Variants in CACNB3 observed in about 807,000 individuals in gnomAD.
CACNB3 encodes the protein calcium voltage-gated channel auxiliary subunit beta 3.
A neutral mutation model predicts 63.7 loss-of-function variants in CACNB3; 36 were observed. That is an observed-to-expected ratio of 0.57 (90% CI 0.43 to 0.75). The LOEUF is 0.75. CACNB3 is among the 30% of genes least tolerant of loss of function. The pLI is 0.00. For synonymous variants in CACNB3, 241 were observed against 250.6 expected, an observed-to-expected ratio of 0.96 and a Z score of 0.36; for missense variants, 493 against 648.6, an observed-to-expected ratio of 0.76 and a Z score of 2.61.
At chr12:48,814,685 AG>A (rs1942243780), upstream of CACNB3, 1 of 947,450 alleles carries the variant, frequency 1.1e-6, no homozygotes, top group Non-Finnish European at 1.5e-6. This position sits in a 1 kb window ranked among gnomAD's most constrained non-coding sequence, Gnocchi z 6.9. Context: ...TGGAGAAAGG[AG>A]GGGGAGAGGG....
At chr12:48,814,485 C>A, upstream of CACNB3, 1 of 1,529,400 alleles carries the variant, frequency 6.5e-7, no homozygotes, top group African/African-American at 1.4e-5. This position sits in a 1 kb window ranked among gnomAD's most constrained non-coding sequence, Gnocchi z 6.9. Context: ...ACTCTGTACT[C>A]CCTGCTGCCC....
chr12:48,827,063 G>C lies in CACNB3; in HGVS notation c.1080G>C (p.Thr360=). 6.2e-7 allele frequency: 1 copy of C among 1,613,290 alleles called. No individual in the cohort carries two copies. Among genetic ancestry groups the C allele is most frequent in the Non-Finnish European group, 8.5e-7 (1 of 1,180,008 alleles). The change falls in exon 12 of 13, where the codon ACG becomes ACC. Residue 360 remains threonine, a synonymous_variant. Transcript: ENST00000301050. ...ACCTGGAGGTTTACTGGCGGGCCAC[G>C]CACCACCCAGCCCCTGGCCCCGGAC... is the stretch of plus-strand genomic sequence containing the variant. ...AEYLEVYWRA[T]HHPAPGPGLL...
In CACNB3 at chr12:48,825,417, G is replaced by T; in HGVS notation, c.574-17G>T. On this transcript the variant is annotated splice_polypyrimidine_tract_variant and intron_variant, in intron 7 of 12. Transcript: ENST00000301050. This position sits in a 1 kb window ranked among gnomAD's most constrained non-coding sequence, Gnocchi z 4.5. ...CTCTCCAAAGGGGCCCTTCATCAGT[G>T]CCATGCCTTCCCCCAGGTCACAGAC... 1 of 1,614,054 alleles carries T rather than the reference G, an allele frequency of 6.2e-7. No individual in the cohort carries two copies. The highest frequency in any genetic ancestry group is 1.3e-5 in the African/African-American group (1 of 75,042).
chr12:48,816,935 G>T, upstream of CACNB3: 1 of 985,478 alleles, frequency 1.0e-6, no homozygotes, highest in African/African-American at 1.7e-5. Flanking sequence ...CCAGGCCCCT[G>T]AAAGAAGGAA....
Position 48,818,999 on chromosome 12 carries a change from G to T in CACNB3, c.45+25G>T. On this transcript the variant is annotated intron_variant, in intron 1 of 12. Transcript: ENST00000301050. The surrounding 1 kb of genome is among the most constrained non-coding windows in gnomAD (Gnocchi z 4.3). ...GGTGAGTGCCCACGATGAGGGTGGG[G>T]GCGGGGAAGTTGGGGTGACACCTCC... 6.2e-7 allele frequency: 1 copy of T among 1,600,164 alleles called. No homozygotes were observed. Among genetic ancestry groups the T allele is most frequent in the Admixed American group, 1.7e-5 (1 of 58,546 alleles).
At chr12:48,827,433 C>T (rs1257268918) in intron 12 of CACNB3, 152 bp from the exon 13 acceptor site, 6 of 843,358 alleles carry the variant, frequency 7.1e-6, no homozygotes, top group Non-Finnish European at 1.1e-5. Flanking sequence ...AGTTTTCTCT[C>T]TCGGAAGAGG....
upstream of CACNB3, chr12:48,815,537 G>T (rs1256371556): frequency 6.7e-7 from 1 of 1,490,010 alleles, no homozygotes; most frequent in African/African-American, 1.4e-5. Flanking sequence ...GGGAACCAGG[G>T]GAGAGGGAAG....
upstream of CACNB3, chr12:48,814,586 G>A: frequency 4.0e-6 from 6 of 1,496,718 alleles, no homozygotes; most frequent in Non-Finnish European, 4.4e-6. This position sits in a 1 kb window ranked among gnomAD's most constrained non-coding sequence, Gnocchi z 6.9. Flanking sequence ...GAAGGGCGCG[G>A]GTGTCTCGAA....
chr12:48,819,046 G>C (rs1279611720), intron 1 of CACNB3, 72 bp downstream of exon 1: 1 of 1,509,678 alleles, frequency 6.6e-7, no homozygotes, highest in Admixed American at 1.9e-5. Flanking sequence ...CCCTTTCCCC[G>C]GTTCAGGACT....
chr12:48,828,749 C>T lies in CACNB3; in HGVS notation c.*850C>T, dbSNP rs778524368. The T allele has an allele frequency of 4.4e-6, 2 of 456,446 alleles. No homozygotes were observed. The highest frequency in any genetic ancestry group is 3.1e-5 in the South Asian group (2 of 64,562). The allele number at this position is 456,446 out of a possible 1,614,324, so 28.3% of individuals were successfully genotyped here. ...TGTCCCTCATACATCTTTGGAGAAC[C>T]GGGCTCCAGACTTTGTTCCCTGACT... On this transcript the variant is annotated 3_prime_UTR_variant, in exon 13 of 13. Coordinates refer to ENST00000301050, the MANE Select transcript of CACNB3 (RefSeq NM_000725.4).
At position 48,823,700 on chromosome 12, in the gene CACNB3, C is replaced by A. The variant is rs774926593; in HGVS notation, c.188C>A (p.Ala63Glu). The A allele has an allele frequency of 1.9e-6, 3 of 1,613,992 alleles. No homozygotes were observed. The highest frequency in any genetic ancestry group is 1.3e-5 in the African/African-American group (1 of 74,890). The stretch of plus-strand genomic sequence containing the variant: ...CTCCAGCACAAACCTGTGGCATTTG[C>A]GGTGAGGACCAATGTCAGCTACTGT... Reference protein sequence around the residue: ...ERAKHKPVAFAVRTNVSYCGV... With the variant: ...ERAKHKPVAFEVRTNVSYCGV... The change falls in exon 3 of 13, where the codon GCG (alanine) becomes GAG (glutamate). Residue 63 changes from alanine (A) to glutamate (E), a missense_variant. By Grantham distance (107) the Ala-to-Glu change is moderately radical. Transcript: ENST00000301050. The surrounding 1 kb of genome is among the most constrained non-coding windows in gnomAD (Gnocchi z 4.2).
chr12:48,824,263 C>T lies in CACNB3; in HGVS notation c.297C>T (p.Tyr99=), dbSNP rs1189800029. Residue 99 remains tyrosine, a synonymous_variant, in exon 4 of 13, where the codon TAC becomes TAT. Coordinates refer to ENST00000301050, the MANE Select transcript of CACNB3 (RefSeq NM_000725.4). ...CCTGCTCCACCTGCCCCCAGAAGTACAGCAATGACTGGTGGATCGGGCGGC... is the reference window on the plus strand; with the variant it reads ...CCTGCTCCACCTGCCCCCAGAAGTATAGCAATGACTGGTGGATCGGGCGGC... The part of the protein sequence containing the change: ...AKDFLHIKEK[Y]SNDWWIGRLV... 2.3e-5 allele frequency: 37 copies of T among 1,611,904 alleles called. No individual in the cohort carries two copies. The highest frequency in any genetic ancestry group is 3.1e-5 in the Non-Finnish European group (37 of 1,179,048).
rs1938135485 is a variant in CACNB3, at chr12:48,826,324, G to T, written c.743-43G>T. ...CTCAAAGCCTGCTGGAGTGAGCAGTGGGCAGAGCTCCTGGTGAGCACTGCT... is the reference window on the plus strand; with the variant it reads ...CTCAAAGCCTGCTGGAGTGAGCAGTTGGCAGAGCTCCTGGTGAGCACTGCT... On this transcript the variant is annotated intron_variant, in intron 9 of 12. Transcript: ENST00000301050. The surrounding 1 kb of genome is among the most constrained non-coding windows in gnomAD (Gnocchi z 4.8). The T allele has an allele frequency of 1.2e-6, 2 of 1,607,044 alleles. No homozygotes were observed. The highest frequency in any genetic ancestry group is 1.7e-6 in the Non-Finnish European group (2 of 1,174,156).
At position 48,826,209 on chromosome 12, in the gene CACNB3, CCCT is replaced by C. The variant is rs1452555144; in HGVS notation, c.743-150_743-148del. ...GCCCCCAGGATTGGCAAGAACACAC[CCCT>C]CCTCCTCAATTCCCATTCCTCTGCC... is the stretch of plus-strand genomic sequence containing the variant. On this transcript the variant is annotated intron_variant, in intron 9 of 12. Coordinates refer to ENST00000301050, the MANE Select transcript of CACNB3 (RefSeq NM_000725.4). This position sits in a 1 kb window ranked among gnomAD's most constrained non-coding sequence, Gnocchi z 4.8. 2.9e-6 allele frequency: 2 copies of C among 685,158 alleles called. No homozygotes were observed. Among genetic ancestry groups the C allele is most frequent in the Middle Eastern group, 4.1e-4 (1 of 2,448 alleles). The allele number at this position is 685,158 out of a possible 1,614,324, so 42.4% of individuals were successfully genotyped here.
intron 1 of CACNB3, 81 bp downstream of exon 1, chr12:48,819,055 C>A: frequency 1.4e-6 from 2 of 1,443,470 alleles, no homozygotes; most frequent in Non-Finnish European, 1.9e-6. Flanking sequence ...CGGTTCAGGA[C>A]TTTGAAAAAC....
upstream of CACNB3, chr12:48,814,570 G>A (rs1341111852): frequency 4.6e-6 from 7 of 1,509,302 alleles, no homozygotes; most frequent in African/African-American, 1.4e-5. The surrounding 1 kb of genome is among the most constrained non-coding windows in gnomAD (Gnocchi z 6.9). Flanking sequence ...ACGGGCTAGG[G>A]TCCCGGAAGG....
At chr12:48,822,193 T>C (rs1449852312) in intron 1 of CACNB3, among the ~76,000 whole-genome samples, 1 of 152,116 alleles carries the variant, frequency 6.6e-6, no homozygotes, top group African/African-American at 2.4e-5. Flanking sequence ...CATCTCAGAA[T>C]TGTGGGAAGT....
intron 1 of CACNB3, chr12:48,821,253 G>A (rs1937833820): frequency 6.6e-6 from 1 of 152,004 alleles, no homozygotes; most frequent in Non-Finnish European, 1.5e-5. Context: ...AATGCTTTGG[G>A]AGGCTAAGGT....
rs536623385 is a variant in CACNB3 at position 48,827,970 on chromosome 12, C to T, written c.*71C>T. On this transcript the variant is annotated 3_prime_UTR_variant, in exon 13 of 13. Transcript: ENST00000301050. Reference sequence around the variant, plus strand: ...GGGGGGCCCACTCCAGGCAGGGTGGCGTTAGACTGGCATCAGGCTGGCACT... The same window carrying T: ...GGGGGGCCCACTCCAGGCAGGGTGGTGTTAGACTGGCATCAGGCTGGCACT... The T allele has an allele frequency of 2.9e-5, 39 of 1,328,564 alleles. No homozygotes were observed. The highest frequency in any genetic ancestry group is 2.9e-4 in the Admixed American group (15 of 51,178). 82.3% of individuals were successfully genotyped at this position (1,328,564 alleles called of 1,614,324 possible).
Sources: gnomAD v4.1 joint callset for allele counts (sites outside exome capture counted in the v4.1 genomes callset) on GRCh38, gnomAD v4.1.1 for gene constraint, Gnocchi (gnomAD v3.1) non-coding constraint, MANE v1.5 for transcripts, NCBI Gene and HGNC (gene_info 2026-07-23, HGNC 2026-07-21) for gene names.